STK40: variants seen among roughly 807,000 people sequenced by gnomAD.
The protein encoded by STK40 is serine/threonine-protein kinase 40.
STK40 carries 13 observed loss-of-function variants against 47.9 expected under a neutral mutation model. The ratio of observed to expected loss-of-function variants is 0.27; its 90% CI spans 0.18 to 0.43. The LOEUF is 0.43. STK40 is among the 20% of genes least tolerant of loss of function. The pLI is 1.00. For synonymous variants in STK40, 225 were observed against 243.2 expected, an observed-to-expected ratio of 0.93 and a Z score of 0.69; for missense variants, 460 against 595.1, an observed-to-expected ratio of 0.77 and a Z score of 2.36.
intron 1 of STK40, among the ~76,000 whole-genome samples, chr1:36,384,418 G>C (rs973432048): frequency 6.6e-6 from 1 of 152,214 alleles, no homozygotes; most frequent in Non-Finnish European, 1.5e-5. Context: ...AATAAAAATA[G>C]ATAACATTTA....
At chr1:36,343,296 G>A (rs1646671022) in intron 10 of STK40, 68 bp downstream of exon 10, 1 of 1,531,862 alleles carries the variant, frequency 6.5e-7, no homozygotes, top group Non-Finnish European at 8.9e-7. Flanking sequence ...CTCTGCCCTT[G>A]CCCTGCCTGC....
chr1:36,356,238 T>C (rs976023647), intron 4 of STK40, among the ~76,000 whole-genome samples: 1 of 152,076 alleles, frequency 6.6e-6, no homozygotes, highest in Non-Finnish European at 1.5e-5. Flanking sequence ...GGCTGCGAGA[T>C]GGACACAATG....
At chr1:36,350,250 G>A (rs962658197) in intron 6 of STK40, among the ~76,000 whole-genome samples, 4 of 152,242 alleles carry the variant, frequency 2.6e-5, no homozygotes, top group Admixed American at 6.5e-5. Flanking sequence ...TCACTTGCAC[G>A]TCAAGGAGTG....
intron 1 of STK40, among the ~76,000 whole-genome samples, chr1:36,377,123 G>A (rs949748767): frequency 6.6e-6 from 1 of 152,104 alleles, no homozygotes; most frequent in East Asian, 1.9e-4. Context: ...GGCCCAAGGA[G>A]GGGAGGGAGA....
chr1:36,351,524 C>T (rs1472721706), intron 6 of STK40, among the ~76,000 whole-genome samples: 2 of 152,138 alleles, frequency 1.3e-5, no homozygotes, highest in Non-Finnish European at 2.9e-5. Context: ...CACTCTGGAG[C>T]GCCCATGACT....
intron 4 of STK40, among the ~76,000 whole-genome samples, chr1:36,357,877 G>A (rs1029140713): frequency 1.1e-4 from 17 of 152,166 alleles, no homozygotes; most frequent in African/African-American, 3.9e-4. Flanking sequence ...GGCTTCCCAC[G>A]TTGCTGGGAT....
At chr1:36,368,301 G>A (rs760676425) in intron 1 of STK40, among the ~76,000 whole-genome samples, 3 of 152,010 alleles carry the variant, frequency 2.0e-5, no homozygotes, top group Non-Finnish European at 4.4e-5. Flanking sequence ...TCGAGACAGG[G>A]TCTTGCTCTG....
intron 7 of STK40, among the ~76,000 whole-genome samples, chr1:36,348,371 C>A (rs1042040345): frequency 1.3e-5 from 2 of 152,230 alleles, no homozygotes; most frequent in African/African-American, 4.8e-5. Context: ...GTCACACATA[C>A]CCAGGGAATT....
intron 1 of STK40, among the ~76,000 whole-genome samples, chr1:36,385,398 G>A (rs1298571049): frequency 6.6e-6 from 1 of 152,210 alleles, no homozygotes; most frequent in East Asian, 1.9e-4. Context: ...GTGTCTTTTT[G>A]GAAAGATCTG....
At position 36,345,991 on chromosome 1, in the gene STK40, A is replaced by ATATATTTT; in HGVS notation, c.740-1728_740-1727insAAAATATA. 7.2e-4 allele frequency among the ~76,000 whole-genome samples: 19 copies of ATATATTTT among 26,464 alleles called. No individual in the cohort carries two copies. The East Asian group carries it at 8.8e-3, about 12-fold the overall frequency. 17.4% of individuals were successfully genotyped at this position (26,464 alleles called of 152,430 possible). ...TACATATATATATATATATATATAT[A>ATATATTTT]TTTTTTTTTTTTTTTTTTCCTGAGA... On this transcript the variant is annotated intron_variant, in intron 7 of 10. Transcript: ENST00000373132.
chr1:36,370,880 C>CTT (rs776772949), intron 1 of STK40, among the ~76,000 whole-genome samples: 16 of 141,606 alleles, frequency 1.1e-4, no homozygotes, highest in East Asian at 2.1e-4. Context: ...CCGTACTACA[C>CTT]TTTTTTTTTT....
intron 4 of STK40, among the ~76,000 whole-genome samples, chr1:36,357,771 C>A (rs1425099004): frequency 1.3e-5 from 2 of 152,096 alleles, no homozygotes; most frequent in Non-Finnish European, 2.9e-5. Flanking sequence ...TGTGCGCCGC[C>A]ATGCCCAGCT....
chr1:36,369,630 G>T (rs945772927), intron 1 of STK40, among the ~76,000 whole-genome samples: 1 of 152,180 alleles, frequency 6.6e-6, no homozygotes, highest in Admixed American at 6.5e-5. Flanking sequence ...AGTCTTCACA[G>T]AAGGCCTCCT....
At chr1:36,375,361 G>A (rs1205529764) in intron 1 of STK40, among the ~76,000 whole-genome samples, 1 of 151,994 alleles carries the variant, frequency 6.6e-6, no homozygotes, top group East Asian at 1.9e-4. Flanking sequence ...ACAAAAATTA[G>A]CTGGGCATGG....
intron 1 of STK40, 143 bp from the exon 2 acceptor site, chr1:36,361,483 C>T (rs1336178918): frequency 2.1e-6 from 3 of 1,419,698 alleles, no homozygotes; most frequent in Non-Finnish European, 2.8e-6. Flanking sequence ...GGGGAGCATC[C>T]AAGGCTCCAA....
At chr1:36,361,055 C>G (rs1359995542) in intron 2 of STK40, among the ~76,000 whole-genome samples, 166 bp downstream of exon 2, 1 of 152,194 alleles carries the variant, frequency 6.6e-6, no homozygotes, top group Non-Finnish European at 1.5e-5. Flanking sequence ...TAAACATATT[C>G]TGTTTCAAGT....
At chr1:36,381,293 C>A (rs779223751) in intron 1 of STK40, among the ~76,000 whole-genome samples, 1 of 152,228 alleles carries the variant, frequency 6.6e-6, no homozygotes, top group Non-Finnish European at 1.5e-5. Context: ...ATTCAAGCAT[C>A]TGCGCCCTAG....
Position 36,352,564 on chromosome 1 carries a change from GTCC to G in STK40, c.623+1797_623+1799del, listed in dbSNP as rs1178580020. Among the ~76,000 whole-genome samples, 6 of 152,260 alleles carry G rather than the reference GTCC, an allele frequency of 3.9e-5. No individual in the cohort carries two copies. In the East Asian group the frequency reaches 1.2e-3, roughly 29 times the overall value. On this transcript the variant is annotated intron_variant, in intron 6 of 10. Transcript: ENST00000373132. ...TGACCCCCATGTCAGTGCTGCTTCCGTCCTCCTCAACTCACTCACTCAGCCAGT... is the reference window on the plus strand; with the variant it reads ...TGACCCCCATGTCAGTGCTGCTTCCGTCCTCAACTCACTCACTCAGCCAGT...
chr1:36,350,735 G>A (rs1646744953), intron 6 of STK40, among the ~76,000 whole-genome samples: 1 of 152,232 alleles, frequency 6.6e-6, no homozygotes, highest in Non-Finnish European at 1.5e-5. Context: ...AGGTGCCATG[G>A]TGTGACAACA....
Sources: gnomAD v4.1 joint callset for allele counts (sites outside exome capture counted in the v4.1 genomes callset) on GRCh38, gnomAD v4.1.1 for gene constraint, MANE v1.5 for transcripts, NCBI Gene and HGNC (gene_info 2026-07-23, HGNC 2026-07-21) for gene names.